MOGAT1: variants seen among roughly 807,000 people sequenced by gnomAD.
The protein encoded by MOGAT1 is 2-acylglycerol O-acyltransferase 1.
Under a neutral mutation model 31.4 loss-of-function variants are expected in MOGAT1, and 32 were observed. That is an observed-to-expected ratio of 1.02 (90% CI 0.77 to 1.37). The LOEUF is 1.37. Among genes scored for constraint, MOGAT1 ranks in the 40% most tolerant of loss-of-function variants. MOGAT1 has a pLI of 0.00. For missense variants in MOGAT1, 426 were observed against 402.0 expected, an observed-to-expected ratio of 1.06 and a Z score of -0.51; for synonymous variants, 145 against 144.5, an observed-to-expected ratio of 1.00 and a Z score of -0.03.
In MOGAT1 at chr2:222,673,607, G is replaced by A. The variant is rs542644183; in HGVS notation, c.94+1728G>A. Among the ~76,000 whole-genome samples the A allele has an allele frequency of 7.9e-5, 12 of 152,258 alleles. No individual in the cohort carries two copies. In the South Asian group the frequency reaches 2.5e-3, roughly 32 times the overall value. On this transcript the variant is annotated intron_variant, in intron 1 of 5. Transcript: ENST00000446656. Reference sequence around the variant, plus strand: ...TTGCTCAAGGCGATGCAGCTAGCAGGACGTGGTAGAGCTGGTTTCAAACCC... The same window carrying A: ...TTGCTCAAGGCGATGCAGCTAGCAGAACGTGGTAGAGCTGGTTTCAAACCC...
chr2:222,684,319 T>C (rs150469298), intron 1 of MOGAT1, among the ~76,000 whole-genome samples: 130 of 151,646 alleles, frequency 8.6e-4, no homozygotes, highest in Middle Eastern at 3.4e-3. Context: ...GGCAGGAGAA[T>C]CCCTTGAACC....
At chr2:222,709,077 C>T (rs927991955) in intron 5 of MOGAT1, among the ~76,000 whole-genome samples, 1 of 152,130 alleles carries the variant, frequency 6.6e-6, no homozygotes, top group African/African-American at 2.4e-5. Context: ...GCCAGTCGCT[C>T]ACCCTTGTAA....
At chr2:222,685,174 G>A (rs568777992) in intron 1 of MOGAT1, among the ~76,000 whole-genome samples, 1 of 152,324 alleles carries the variant, frequency 6.6e-6, no homozygotes, top group East Asian at 1.9e-4. Flanking sequence ...AATTTTAAGA[G>A]TAATTTTTGT....
intron 5 of MOGAT1, among the ~76,000 whole-genome samples, chr2:222,704,352 C>T (rs1298477562): frequency 1.3e-5 from 2 of 152,102 alleles, no homozygotes; most frequent in Non-Finnish European, 2.9e-5. Context: ...CGGCCAGGCG[C>T]GGTGGCTCAC....
At chr2:222,694,829 A>G (rs1692817391) in intron 4 of MOGAT1, among the ~76,000 whole-genome samples, 1 of 152,246 alleles carries the variant, frequency 6.6e-6, no homozygotes. Context: ...AACAGTGGCC[A>G]AAGCTATAGA....
At chr2:222,697,688 C>G (rs888016078) in intron 5 of MOGAT1, among the ~76,000 whole-genome samples, 6 of 151,378 alleles carry the variant, frequency 4.0e-5, no homozygotes, top group African/African-American at 1.5e-4. Flanking sequence ...ATTCTCCTGC[C>G]TCAGCCTCCC....
intron 3 of MOGAT1, among the ~76,000 whole-genome samples, chr2:222,691,762 C>T (rs1692766254): frequency 6.6e-6 from 1 of 152,202 alleles, no homozygotes; most frequent in Non-Finnish European, 1.5e-5. Context: ...GGCACCAGAC[C>T]TCACGTAGTA....
chr2:222,691,615 C>T (rs1692764390), intron 3 of MOGAT1, among the ~76,000 whole-genome samples: 1 of 152,188 alleles, frequency 6.6e-6, no homozygotes, highest in Non-Finnish European at 1.5e-5. Flanking sequence ...TTTGGACTAT[C>T]CTTGTTTCTA....
At chr2:222,708,512 T>C (rs897645821) in intron 5 of MOGAT1, among the ~76,000 whole-genome samples, 3 of 152,244 alleles carry the variant, frequency 2.0e-5, no homozygotes, top group Non-Finnish European at 2.9e-5. Flanking sequence ...AGATGTTATA[T>C]AAACACCTTT....
chr2:222,685,552 T>C (rs528999234), intron 1 of MOGAT1, among the ~76,000 whole-genome samples: 5 of 151,318 alleles, frequency 3.3e-5, no homozygotes, highest in Admixed American at 2.6e-4. Flanking sequence ...AAATAAAAAA[T>C]AGACGTTATC....
At chr2:222,701,123 G>A (rs184469260) in intron 5 of MOGAT1, among the ~76,000 whole-genome samples, 260 of 152,232 alleles carry the variant, frequency 1.7e-3, no homozygotes, top group Non-Finnish European at 2.9e-3. Flanking sequence ...GGCTGGCCGC[G>A]GTGGCTCACG....
chr2:222,709,680 G>A (rs1693083025), intron 5 of MOGAT1, 56 bp from the exon 6 acceptor site: 22 of 1,532,820 alleles, frequency 1.4e-5, no homozygotes, highest in South Asian at 2.4e-5. Context: ...TAGGGGCGGC[G>A]GTCTGTGGTG....
chr2:222,695,231 G>A lies in MOGAT1; in HGVS notation c.796G>A (p.Gly266Arg). The A allele has an allele frequency of 6.2e-7, 1 of 1,613,630 alleles. No individual in the cohort carries two copies. Among genetic ancestry groups the A allele is most frequent in the South Asian group, 1.1e-5 (1 of 90,990 alleles). ...TGCTTTGCCCCTGTTTCATGCCAGG[G>A]GAGTTTTTCAGTACAATTTTGGCCT... is the stretch of plus-strand genomic sequence containing the variant. ...GFALPLFHARGVFQYNFGLMT... is the reference protein window; with the variant it reads ...GFALPLFHARRVFQYNFGLMT... The change falls in exon 5 of 6, where the codon GGA becomes AGA. Residue 266 changes from glycine to arginine, a missense_variant. Physicochemically the swap from Gly to Arg is moderately radical, Grantham distance 125 (BLOSUM62 -2). Transcript: ENST00000446656.
intron 5 of MOGAT1, among the ~76,000 whole-genome samples, chr2:222,703,675 T>C (rs1024346642): frequency 3.3e-5 from 5 of 152,176 alleles, no homozygotes; most frequent in Non-Finnish European, 7.3e-5. Flanking sequence ...GACACCCAGG[T>C]TCCTGCTCCT....
chr2:222,709,851 G>T lies in MOGAT1; in HGVS notation c.969G>T (p.Lys323Asn). ...LRKLFEEHKG[K>N]YGIPEHETLV... ...AATTGTTTGAGGAACACAAAGGAAA[G>T]TATGGCATTCCAGAGCACGAGACTC... The change falls in exon 6 of 6, where the codon AAG (lysine) becomes AAT (asparagine). Residue 323 changes from lysine to asparagine, a missense_variant. Coordinates refer to ENST00000446656, the MANE Select transcript of MOGAT1 (RefSeq NM_058165.3). The T allele has an allele frequency of 1.2e-6, 2 of 1,613,014 alleles. No homozygotes were observed. The highest frequency in any genetic ancestry group is 1.7e-6 in the Non-Finnish European group (2 of 1,179,376).
chr2:222,681,437 G>A (rs767561256), intron 1 of MOGAT1, among the ~76,000 whole-genome samples: 2 of 152,138 alleles, frequency 1.3e-5, no homozygotes, highest in Non-Finnish European at 2.9e-5. Context: ...TAGATGATTA[G>A]GTACCCAGGT....
rs146037558 is a variant in MOGAT1 at position 222,674,040 on chromosome 2, C to T, written c.94+2161C>T. Among the ~76,000 whole-genome samples the T allele has an allele frequency of 2.0e-5, 3 of 152,282 alleles. No homozygotes were observed. In the East Asian group the frequency reaches 5.8e-4, roughly 29 times the overall value. On this transcript the variant is annotated intron_variant, in intron 1 of 5. Transcript: ENST00000446656. ...CAGCAACCTGGTGAGGGAGGACTAC[C>T]CGTTACCCTCATTTTACCAATGAAG...
chr2:222,694,920 A>C (rs1201342455), intron 4 of MOGAT1, among the ~76,000 whole-genome samples, 169 bp from the exon 5 acceptor site: 1 of 152,162 alleles, frequency 6.6e-6, no homozygotes. Context: ...TTCCTCCCTA[A>C]AGAATGTCAA....
Position 222,671,706 on chromosome 2 carries a change from G to T in MOGAT1, c.-80G>T, listed in dbSNP as rs1692418123. 8.1e-7 allele frequency: 1 copy of T among 1,232,928 alleles called. No individual in the cohort carries two copies. The allele number at this position is 1,232,928 out of a possible 1,614,324, so 76.4% of individuals were successfully genotyped here. A position where few individuals can be genotyped will look rare whatever the true frequency, so the allele number is the denominator to read the frequency against. On this transcript the variant is annotated 5_prime_UTR_variant, in exon 1 of 6. Transcript: ENST00000446656. ...GTGCCCAGCGCGGGGCCCGGATCCG[G>T]CCGGGCACTTCCCACAGGCGCCGCA...
Sources: gnomAD v4.1 joint callset for allele counts (sites outside exome capture counted in the v4.1 genomes callset) on GRCh38, gnomAD v4.1.1 for gene constraint, MANE v1.5 for transcripts, NCBI Gene and HGNC (gene_info 2026-07-23, HGNC 2026-07-21) for gene names.